ST7L: variants seen among roughly 807,000 people sequenced by gnomAD.
ST7L encodes suppressor of tumorigenicity 7 protein-like.
Under a neutral mutation model 72.5 loss-of-function variants are expected in ST7L, and 57 were observed. That is an observed-to-expected ratio of 0.79 (90% CI 0.64 to 0.98). The LOEUF is 0.98. ST7L is among the 50% of genes least tolerant of loss of function. The pLI, the probability that ST7L is intolerant of heterozygous loss-of-function variation, is 0.00. For synonymous variants in ST7L, 221 were observed against 240.9 expected (o/e 0.92, Z 0.77); for missense variants, 576 against 672.2 (o/e 0.86, Z 1.58).
rs1343628941 is a variant in ST7L at position 112,524,847 on chromosome 1, T to G, written c.*1166A>C. 6.6e-6 allele frequency: 1 copy of G among 151,086 alleles called. No individual in the cohort carries two copies. Among genetic ancestry groups the G allele is most frequent in the Admixed American group, 6.6e-5 (1 of 15,214 alleles). The allele number at this position is 151,086 out of a possible 1,614,324, so 9.4% of individuals were successfully genotyped here. Reference sequence around the variant, plus strand: ...CTGCTCATCCTCCTCTCCCCAACAATTAAAAAAAAAAGCAATTAGATTTCG... The same window carrying G: ...CTGCTCATCCTCCTCTCCCCAACAAGTAAAAAAAAAAGCAATTAGATTTCG... On this transcript the variant is annotated 3_prime_UTR_variant, in exon 15 of 15. Transcript: ENST00000358039.
At chr1:112,595,059 T>C (rs1458918696) in intron 5 of ST7L, among the ~76,000 whole-genome samples, 1 of 152,068 alleles carries the variant, frequency 6.6e-6, no homozygotes, top group Non-Finnish European at 1.5e-5. Flanking sequence ...AGACAACATT[T>C]ACTACTGTTA....
intron 11 of ST7L, among the ~76,000 whole-genome samples, chr1:112,557,001 C>CAAAGA (rs1659302532): frequency 1.0e-5 from 1 of 97,808 alleles, no homozygotes; most frequent in Non-Finnish European, 2.2e-5. Context: ...AAAAAAAACA[C>CAAAGA]AAAGAAAAGA....
intron 9 of ST7L, among the ~76,000 whole-genome samples, chr1:112,580,793 T>C (rs912916235): frequency 1.3e-5 from 2 of 152,074 alleles, no homozygotes; most frequent in African/African-American, 4.8e-5. Flanking sequence ...CCAGACATGG[T>C]GGCAGGCACC....
intron 6 of ST7L, 80 bp from the exon 7 acceptor site, chr1:112,584,206 G>T: frequency 7.2e-7 from 1 of 1,391,976 alleles, no homozygotes; most frequent in South Asian, 1.5e-5. Context: ...TTTGCTCTAT[G>T]TCATATTTCC....
chr1:112,544,999 T>C (rs1296188180), intron 13 of ST7L, among the ~76,000 whole-genome samples: 1 of 152,186 alleles, frequency 6.6e-6, no homozygotes, highest in Non-Finnish European at 1.5e-5. Context: ...TAAATAGCTA[T>C]GTGAACTAGG....
chr1:112,609,486 G>A (rs1167670747), intron 3 of ST7L, among the ~76,000 whole-genome samples: 1 of 149,314 alleles, frequency 6.7e-6, no homozygotes, highest in African/African-American at 2.5e-5. Flanking sequence ...AGCTGAGATT[G>A]CACCACTGCA....
At chr1:112,618,765 CA>C in intron 1 of ST7L, 143 bp downstream of exon 1, 2 of 1,438,122 alleles carry the variant, frequency 1.4e-6, no homozygotes, top group Non-Finnish European at 1.8e-6. Context: ...GGTTGCAGCC[CA>C]AAAGAAAAAG....
chr1:112,589,519 C>T (rs569594225), intron 6 of ST7L, among the ~76,000 whole-genome samples: 1 of 152,126 alleles, frequency 6.6e-6, no homozygotes, highest in East Asian at 1.9e-4. Flanking sequence ...TTCTCTACTC[C>T]CTAGGATTTG....
chr1:112,520,263 T>A, downstream of ST7L: 1 of 1,610,434 alleles, frequency 6.2e-7, no homozygotes. Context: ...TCTCACTCCC[T>A]CTCTTCCCCA....
intron 14 of ST7L, among the ~76,000 whole-genome samples, chr1:112,533,910 G>A (rs1188036366): frequency 2.0e-5 from 3 of 150,796 alleles, no homozygotes; most frequent in African/African-American, 7.3e-5. Context: ...GAACTCCTGG[G>A]CTCAAGCAAT....
At chr1:112,618,840 C>A in intron 1 of ST7L, 69 bp downstream of exon 1, 1 of 1,530,562 alleles carries the variant, frequency 6.5e-7, no homozygotes, top group Non-Finnish European at 8.8e-7. Flanking sequence ...GAATCTCTTG[C>A]CCTTTGGCTC....
intron 14 of ST7L, chr1:112,527,039 G>T (rs1313256176): frequency 6.6e-6 from 1 of 152,218 alleles, no homozygotes; most frequent in Non-Finnish European, 1.5e-5. Context: ...ACCCCTCTTT[G>T]TTTTCCCATC....
At chr1:112,597,688 A>C (rs771618240) in intron 5 of ST7L, among the ~76,000 whole-genome samples, 1 of 152,208 alleles carries the variant, frequency 6.6e-6, no homozygotes, top group Non-Finnish European at 1.5e-5. Context: ...TTTCCCAGAC[A>C]GAAATGGGGT....
downstream of ST7L, chr1:112,520,162 C>A: frequency 2.1e-6 from 2 of 953,428 alleles, no homozygotes; most frequent in Non-Finnish European, 3.2e-6. Flanking sequence ...ATGAGTGAGC[C>A]ACTGTGCCCA....
Position 112,525,917 on chromosome 1 carries a change from C to T in ST7L, c.*96G>A. 4 of 1,538,752 alleles carry T rather than the reference C, an allele frequency of 2.6e-6. No homozygotes were observed. The highest frequency in any genetic ancestry group is 3.5e-6 in the Non-Finnish European group (4 of 1,135,276). ...AATGCTTTAGCATATATGTAATCCTCACAACAACCCTGTGAGGTAGGGGTT... is the reference window on the plus strand; with the variant it reads ...AATGCTTTAGCATATATGTAATCCTTACAACAACCCTGTGAGGTAGGGGTT... On this transcript the variant is annotated 3_prime_UTR_variant, in exon 15 of 15. Transcript: ENST00000358039.
chr1:112,603,507 T>C (rs1479281077), intron 3 of ST7L, among the ~76,000 whole-genome samples: 1 of 152,196 alleles, frequency 6.6e-6, no homozygotes, highest in Non-Finnish European at 1.5e-5. Flanking sequence ...CCCTTTCCAA[T>C]TACACATCTG....
chr1:112,523,178 G>T (rs1652973191), downstream of ST7L: 1 of 152,096 alleles, frequency 6.6e-6, no homozygotes, highest in Non-Finnish European at 1.5e-5. Flanking sequence ...TTGGTTTTTG[G>T]TTCTCATCCC....
downstream of ST7L, chr1:112,520,293 T>C (rs146027356): frequency 1.2e-6 from 2 of 1,614,036 alleles, no homozygotes; most frequent in East Asian, 2.2e-5. Flanking sequence ...CCCTAGGCAC[T>C]GCAGGCCGTG....
At chr1:112,535,772 C>T (rs1480967896) in intron 14 of ST7L, among the ~76,000 whole-genome samples, 2 of 151,904 alleles carry the variant, frequency 1.3e-5, no homozygotes, top group Non-Finnish European at 2.9e-5. Context: ...TTCTTTCCCC[C>T]TTAGAAGAGC....
Sources: allele counts gnomAD v4.1 joint callset (sites outside exome capture counted in the v4.1 genomes callset), GRCh38; gene constraint gnomAD v4.1.1; transcripts MANE v1.5; gene names NCBI Gene and HGNC (gene_info 2026-07-23, HGNC 2026-07-21).